CBFA2T2: variants seen among roughly 807,000 people sequenced by gnomAD.
The protein encoded by CBFA2T2 is CBFA2/RUNX1 partner transcriptional co-repressor 2.
Under a neutral mutation model 62.2 loss-of-function variants are expected in CBFA2T2, and 11 were observed. That is an observed-to-expected ratio of 0.18 (90% CI 0.11 to 0.29). The LOEUF is 0.29. Among genes scored for constraint, CBFA2T2 ranks in the 10% least tolerant of loss-of-function variants. The probability of loss-of-function intolerance (pLI) is 1.00; values close to 1 mark genes in which losing one functional copy is unlikely to be tolerated. For missense variants in CBFA2T2, 592 were observed against 774.1 expected (o/e 0.76, Z 2.79); for synonymous variants, 295 against 287.5 (o/e 1.03, Z -0.27).
intron 1 of CBFA2T2, 80 bp from the exon 2 acceptor site, chr20:33,606,876 G>C: frequency 7.3e-7 from 1 of 1,374,732 alleles, no homozygotes; most frequent in Non-Finnish European, 1.0e-6. Flanking sequence ...CTCTAGGGAA[G>C]TATGTTGGTA....
intron 1 of CBFA2T2, among the ~76,000 whole-genome samples, chr20:33,590,407 G>A (rs1024200674): frequency 1.3e-5 from 2 of 152,018 alleles, no homozygotes; most frequent in African/African-American, 4.8e-5. Flanking sequence ...ACCAGATTGC[G>A]TTAAACACAT....
chr20:33,569,623 G>C (rs1320358766), intron 1 of CBFA2T2, among the ~76,000 whole-genome samples: 1 of 152,178 alleles, frequency 6.6e-6, no homozygotes, highest in African/African-American at 2.4e-5. Flanking sequence ...GGGTATTCTG[G>C]TAGCCTTTAC....
At chr20:33,531,032 G>A (rs557090257) in intron 1 of CBFA2T2, among the ~76,000 whole-genome samples, 5 of 152,206 alleles carry the variant, frequency 3.3e-5, no homozygotes, top group South Asian at 2.1e-4. Context: ...GCAGTGAGCC[G>A]AGATCACGCC....
chr20:33,545,846 G>C (rs1056081850), intron 1 of CBFA2T2, among the ~76,000 whole-genome samples: 1 of 152,190 alleles, frequency 6.6e-6, no homozygotes, highest in Non-Finnish European at 1.5e-5. Flanking sequence ...GAAGACTTTT[G>C]AACAAATATC....
chr20:33,593,293 C>G (rs1339861344), intron 1 of CBFA2T2, among the ~76,000 whole-genome samples: 1 of 151,838 alleles, frequency 6.6e-6, no homozygotes, highest in Non-Finnish European at 1.5e-5. Flanking sequence ...GATTGTGCCA[C>G]TGCACCCCAA....
chr20:33,638,722 C>G (rs1039474815), intron 9 of CBFA2T2: 9 of 152,276 alleles, frequency 5.9e-5, no homozygotes, highest in Admixed American at 1.3e-4. Flanking sequence ...GTCCTGTGGA[C>G]TTACGTAGGG....
chr20:33,531,571 A>G (rs646626), intron 1 of CBFA2T2, among the ~76,000 whole-genome samples: 17,282 of 152,222 alleles, frequency 0.11, 2,691 homozygotes, highest in African/African-American at 0.34. Flanking sequence ...GTCACACTGG[A>G]CCTGATCTCT....
intron 1 of CBFA2T2, chr20:33,574,164 C>A: frequency 6.2e-7 from 1 of 1,608,882 alleles, no homozygotes. Flanking sequence ...TGTGATGTTG[C>A]ATTCATCTTT....
intron 3 of CBFA2T2, among the ~76,000 whole-genome samples, chr20:33,617,068 A>T (rs974317862): frequency 1.3e-5 from 2 of 152,172 alleles, no homozygotes; most frequent in Non-Finnish European, 2.9e-5. Flanking sequence ...ACAAAAAAAA[A>T]AATTTAAATT....
At chr20:33,626,231 A>AC (rs2016223082) in intron 6 of CBFA2T2, among the ~76,000 whole-genome samples, 1 of 152,210 alleles carries the variant, frequency 6.6e-6, no homozygotes, top group Admixed American at 6.5e-5. Flanking sequence ...ACATGGTGAG[A>AC]CCCTGCCTCA....
At position 33,515,224 on chromosome 20, in the gene CBFA2T2, G is replaced by T. The variant is rs182353017; in HGVS notation, c.34+24923G>T. On this transcript the variant is annotated intron_variant, in intron 1 of 10. Transcript: ENST00000342704. ...AAATTCACTGGGTGTGGTGGCAGGC[G>T]CCTGTAGTCCCAGCTACTTGGGAGG... Among the ~76,000 whole-genome samples, 869 of 151,538 alleles carry T rather than the reference G, an allele frequency of 5.7e-3. 8 individuals carry two copies. The highest frequency in any genetic ancestry group is 0.046 in the South Asian group (218 of 4,778).
rs186420084 is a variant in CBFA2T2, at chr20:33,568,835, T to C, written c.35-38121T>C. On this transcript the variant is annotated intron_variant, in intron 1 of 10. Transcript: ENST00000342704. ...ATTTCCACCACAACCCCAACCTCTATTACTCAAACTATAATACCCTGAAAT... is the reference window on the plus strand; with the variant it reads ...ATTTCCACCACAACCCCAACCTCTACTACTCAAACTATAATACCCTGAAAT... Among the ~76,000 whole-genome samples, 20 of 152,284 alleles carry C rather than the reference T, an allele frequency of 1.3e-4. No individual in the cohort carries two copies. In the Middle Eastern group the frequency reaches 0.017, roughly 129 times the overall value.
intron 1 of CBFA2T2, among the ~76,000 whole-genome samples, chr20:33,585,815 AT>A (rs2014340752): frequency 6.6e-6 from 1 of 152,162 alleles, no homozygotes; most frequent in Admixed American, 6.5e-5. Context: ...ATACATAATT[AT>A]TTTCTCTCAA....
chr20:33,558,825 G>GT (rs1218358657), intron 1 of CBFA2T2, among the ~76,000 whole-genome samples: 1 of 151,214 alleles, frequency 6.6e-6, no homozygotes, highest in Admixed American at 6.6e-5. Flanking sequence ...CAACTGTTTG[G>GT]GGGGGCGGCG....
At chr20:33,551,374 G>A (rs751944386) in intron 1 of CBFA2T2, among the ~76,000 whole-genome samples, 4 of 151,800 alleles carry the variant, frequency 2.6e-5, no homozygotes, top group African/African-American at 4.8e-5. Flanking sequence ...GCACCACCAC[G>A]CCCAGCTAAT....
intron 1 of CBFA2T2, among the ~76,000 whole-genome samples, chr20:33,594,666 T>C (rs115598581): frequency 0.011 from 1,698 of 152,076 alleles, 35 homozygotes; most frequent in African/African-American, 0.039. Context: ...TTTTTCCCTG[T>C]CTCCCGAAAA....
At chr20:33,520,094 G>A (rs1034246517) in intron 1 of CBFA2T2, among the ~76,000 whole-genome samples, 3 of 152,112 alleles carry the variant, frequency 2.0e-5, no homozygotes, top group East Asian at 1.9e-4. Context: ...GTGGTGAGCC[G>A]AGATCACGCC....
intron 5 of CBFA2T2, 75 bp downstream of exon 5, chr20:33,623,371 G>A: frequency 6.5e-7 from 1 of 1,531,786 alleles, no homozygotes; most frequent in Non-Finnish European, 9.0e-7. Context: ...AAAAGAGAGA[G>A]AATTTGATTG....
chr20:33,536,199 G>A (rs1486934898), intron 1 of CBFA2T2, among the ~76,000 whole-genome samples: 3 of 152,268 alleles, frequency 2.0e-5, no homozygotes, highest in South Asian at 2.1e-4. Context: ...CCTCCCAGAC[G>A]GGGTGGTGGC....
Sources: allele counts gnomAD v4.1 joint callset (sites outside exome capture counted in the v4.1 genomes callset), GRCh38; gene constraint gnomAD v4.1.1; transcripts MANE v1.5; gene names NCBI Gene and HGNC (gene_info 2026-07-23, HGNC 2026-07-21).